CGRRF1: variants seen among roughly 807,000 people sequenced by gnomAD.
The protein encoded by CGRRF1 is cell growth regulator with RING finger domain protein 1.
In CGRRF1, 32 loss-of-function variants were observed where a neutral mutation model predicts 37.2. That is an observed-to-expected ratio of 0.86 (90% confidence interval 0.65 to 1.16). CGRRF1 has a LOEUF of 1.16. Among genes scored for constraint, CGRRF1 ranks in the 50% most tolerant of loss-of-function variants. The pLI is 0.00. For synonymous variants in CGRRF1, 141 were observed against 140.3 expected, an observed-to-expected ratio of 1.00 and a Z score of -0.04; for missense variants, 391 against 382.6, an observed-to-expected ratio of 1.02 and a Z score of -0.18.
chr14:54,514,438 C>CTGTTGT (rs142499963), intron 1 of CGRRF1, among the ~76,000 whole-genome samples: 3,443 of 152,192 alleles, frequency 0.023, 90 homozygotes, highest in East Asian at 0.094. Context: ...GTTGAGATTT[C>CTGTTGT]TGTTGTTGTT....
At chr14:54,518,926 T>TTGTTGTTTTGTTTTG (rs2032264810) in intron 1 of CGRRF1, among the ~76,000 whole-genome samples, 1 of 151,830 alleles carries the variant, frequency 6.6e-6, no homozygotes, top group Non-Finnish European at 1.5e-5. Context: ...GACTAGGTTT[T>TTGTTGTTTTGTTTTG]TGTTGTTTTG....
At chr14:54,532,674 A>G (rs1438717680) in intron 4 of CGRRF1, among the ~76,000 whole-genome samples, 1 of 151,674 alleles carries the variant, frequency 6.6e-6, no homozygotes, top group Non-Finnish European at 1.5e-5. Context: ...CTAGGATATA[A>G]TAGGGGTTCA....
At chr14:54,537,855 T>C in intron 5 of CGRRF1, 26 bp downstream of exon 5, 1 of 1,577,328 alleles carries the variant, frequency 6.3e-7, no homozygotes, top group South Asian at 1.2e-5. Flanking sequence ...TAGTCTTATC[T>C]CTGTCTCTTT....
chr14:54,522,681 A>G, intron 2 of CGRRF1, 88 bp downstream of exon 2: 1 of 1,246,150 alleles, frequency 8.0e-7, no homozygotes, highest in Non-Finnish European at 1.1e-6. Context: ...CTTTCCCTTC[A>G]TTAGACTTTT....
intron 4 of CGRRF1, among the ~76,000 whole-genome samples, chr14:54,533,452 C>T (rs1011356052): frequency 6.6e-6 from 1 of 152,030 alleles, no homozygotes; most frequent in South Asian, 2.1e-4. Flanking sequence ...TCCTGTTAAT[C>T]CTTGCTTCTC....
In CGRRF1 at chr14:54,537,735, C is replaced by T. The variant is rs753457851; in HGVS notation, c.584C>T (p.Ser195Leu). 3 of 1,570,910 alleles carry T rather than the reference C, an allele frequency of 1.9e-6. No homozygotes were observed. Among genetic ancestry groups the T allele is most frequent in the South Asian group, 2.4e-5 (2 of 81,872 alleles). Residue 195 changes from serine to leucine, a missense_variant, in exon 5 of 6, where the codon TCA becomes TTA. By Grantham distance (145) the Ser-to-Leu change is moderately radical (BLOSUM62 -2). Transcript: ENST00000216420. ...TTTTTATTTTAGATTTCCATGGTGTCAGTGATTCATATTCCTGATAGGACT... is the reference window on the plus strand; with the variant it reads ...TTTTTATTTTAGATTTCCATGGTGTTAGTGATTCATATTCCTGATAGGACT... ...REIYDIISMVSVIHIPDRTYK... is the reference protein window; with the variant it reads ...REIYDIISMVLVIHIPDRTYK...
chr14:54,514,102 AG>A (rs1594646028), intron 1 of CGRRF1, among the ~76,000 whole-genome samples: 1 of 152,154 alleles, frequency 6.6e-6, no homozygotes, highest in African/African-American at 2.4e-5. Flanking sequence ...TTCTTTGCAA[AG>A]GGCTATCCAC....
In CGRRF1 at chr14:54,538,398, T is replaced by A; in HGVS notation, c.*15T>A. 1 of 1,564,174 alleles carries A rather than the reference T, an allele frequency of 6.4e-7. No individual in the cohort carries two copies. Among genetic ancestry groups the A allele is most frequent in the South Asian group, 1.2e-5 (1 of 86,530 alleles). ...AGACTCTTTGAAGACATCGTAACAC[T>A]GAAAAGTACACTTTCTACTAAAGAT... On this transcript the variant is annotated 3_prime_UTR_variant, in exon 6 of 6. Transcript: ENST00000216420.
At chr14:54,530,795 T>C (rs1250614165) in intron 3 of CGRRF1, 108 bp from the exon 4 acceptor site, 5 of 1,012,076 alleles carry the variant, frequency 4.9e-6, no homozygotes, top group Non-Finnish European at 7.5e-6. Flanking sequence ...CCATTAGCAC[T>C]GAAAATTAGA....
At chr14:54,523,093 A>G in intron 2 of CGRRF1, 1 of 156,376 alleles carries the variant, frequency 6.4e-6, no homozygotes, top group Non-Finnish European at 1.4e-5. Flanking sequence ...TCAGCCTCCC[A>G]AGTCACTGAG....
chr14:54,510,523 C>T (rs903854694), intron 1 of CGRRF1, among the ~76,000 whole-genome samples: 2 of 152,168 alleles, frequency 1.3e-5, no homozygotes, highest in Admixed American at 6.5e-5. Context: ...GAGCCCTTAG[C>T]CTCAGATCTT....
At chr14:54,530,393 A>C in intron 3 of CGRRF1, 167 bp downstream of exon 3, 1 of 914,034 alleles carries the variant, frequency 1.1e-6, no homozygotes, top group South Asian at 1.9e-5. Context: ...TATCTCTATC[A>C]GGAACAGTAT....
chr14:54,521,495 A>G (rs2032316273), intron 1 of CGRRF1, among the ~76,000 whole-genome samples: 1 of 151,220 alleles, frequency 6.6e-6, no homozygotes, highest in Admixed American at 6.6e-5. Flanking sequence ...CCCATAAATC[A>G]TATTAGTCTG....
chr14:54,524,384 T>TG (rs1421406291), intron 2 of CGRRF1, among the ~76,000 whole-genome samples: 25 of 149,852 alleles, frequency 1.7e-4, no homozygotes, highest in African/African-American at 6.2e-4. Flanking sequence ...GAAAAATATA[T>TG]GTTTTTTTTT....
intron 4 of CGRRF1, chr14:54,536,346 A>G (rs1216955429): frequency 6.6e-6 from 1 of 151,890 alleles, no homozygotes; most frequent in Non-Finnish European, 1.5e-5. Flanking sequence ...CTGTGCTTGG[A>G]CATTCAGGTG....
chr14:54,520,232 C>A (rs1378934522), intron 1 of CGRRF1, among the ~76,000 whole-genome samples: 1 of 152,048 alleles, frequency 6.6e-6, no homozygotes, highest in East Asian at 1.9e-4. Context: ...CTTCAGCCTC[C>A]CGAGTAGCTG....
intron 2 of CGRRF1, among the ~76,000 whole-genome samples, chr14:54,523,919 CAAAT>C (rs1448272664): frequency 2.6e-5 from 4 of 152,168 alleles, no homozygotes; most frequent in South Asian, 2.1e-4. Flanking sequence ...TTCTTGAAAA[CAAAT>C]AAGCCAGATC....
intron 1 of CGRRF1, 115 bp downstream of exon 1, chr14:54,510,178 G>T: frequency 2.8e-6 from 2 of 710,156 alleles, no homozygotes; most frequent in Admixed American, 4.7e-5. Flanking sequence ...TCGGGGATTC[G>T]GTGTCCCCGG....
At chr14:54,528,860 C>T (rs563607019) in intron 2 of CGRRF1, among the ~76,000 whole-genome samples, 5 of 152,288 alleles carry the variant, frequency 3.3e-5, no homozygotes, top group African/African-American at 1.2e-4. Context: ...TACTCAGACT[C>T]TCAGACTGTG....
Sources: gnomAD v4.1 joint callset for allele counts (sites outside exome capture counted in the v4.1 genomes callset) on GRCh38, gnomAD v4.1.1 for gene constraint, MANE v1.5 for transcripts, NCBI Gene and HGNC (gene_info 2026-07-23, HGNC 2026-07-21) for gene names.